The following NOTCH2 variants were observed in gnomAD, a reference collection of about 807,000 sequenced individuals.
NOTCH2 encodes notch receptor 2.
A neutral mutation model predicts 235.8 loss-of-function variants in NOTCH2; 29 were observed. The ratio of observed to expected loss-of-function variants is 0.12; its 90% CI spans 0.09 to 0.17. NOTCH2 has a LOEUF of 0.17. Among genes scored for constraint, NOTCH2 ranks in the 10% least tolerant of loss-of-function variants. The pLI, the probability that NOTCH2 is intolerant of heterozygous loss-of-function variation, is 1.00. For synonymous variants in NOTCH2, 1,086 were observed against 1,141.5 expected (o/e 0.95, Z 0.98); for missense variants, 2,285 against 3,150.2 (o/e 0.73, Z 6.57).
intron 1 of NOTCH2, among the ~76,000 whole-genome samples, chr1:120,060,761 T>G (rs200440117): frequency 0.16 from 24,064 of 148,832 alleles, 2,437 homozygotes; most frequent in African/African-American, 0.31. Context: ...ATGTTTGTTT[T>G]TAGTTACAAC....
At chr1:119,948,964 G>T in intron 16 of NOTCH2, 43 bp downstream of exon 16, 1 of 1,613,750 alleles carries the variant, frequency 6.2e-7, no homozygotes, top group Non-Finnish European at 8.5e-7. Context: ...TTTGTTTAAA[G>T]TCAGAATGCA....
rs200543410 is a variant in NOTCH2, at chr1:119,965,446, A to C, written c.1681+7T>G. The C allele has an allele frequency of 3.1e-6, 5 of 1,606,960 alleles. No individual in the cohort carries two copies. In the East Asian group the frequency reaches 1.1e-4, roughly 36 times the overall value. ...ACCAAGGAGATGAAAAGTGAGAAGA[A>C]TCTTACCTGTGGCACACTGGCATTC... On this transcript the variant is annotated splice_region_variant and intron_variant, in intron 10 of 33. Transcript: ENST00000256646.
At position 119,966,378 on chromosome 1, in the gene NOTCH2, G is replaced by C. The variant is rs1553199673; in HGVS notation, c.1565C>G (p.Pro522Arg). 6.2e-7 allele frequency: 1 copy of C among 1,610,656 alleles called. No individual in the cohort carries two copies. The highest frequency in any genetic ancestry group is 1.1e-5 in the South Asian group (1 of 91,042). The part of the protein sequence containing the change: ...KVNRFQCLCP[P>R]GFTGPVCQID... ...AGGGCCAGGTCGTGGGCACTTACCA[G>C]GAGGACACAGGCACTGGAAACGATT... Residue 522 changes from proline to arginine, a missense_variant and splice_region_variant, in exon 9 of 34, where the codon CCT becomes CGT. By Grantham distance (103) the Pro-to-Arg change is moderately radical. Coordinates refer to ENST00000256646, the MANE Select transcript of NOTCH2 (RefSeq NM_024408.4).
chr1:119,924,830 G>T (rs1289237808), intron 25 of NOTCH2, among the ~76,000 whole-genome samples: 1 of 152,200 alleles, frequency 6.6e-6, no homozygotes, highest in East Asian at 1.9e-4. Context: ...CTAGTTAATA[G>T]GAAAGTTCCT....
At chr1:120,034,264 T>C (rs1689974) in intron 1 of NOTCH2, among the ~76,000 whole-genome samples, 3 of 148,764 alleles carry the variant, frequency 2.0e-5, no homozygotes, top group Non-Finnish European at 1.5e-5. Context: ...TCAATAAATA[T>C]TTGCTGGCTG....
Position 119,965,456 on chromosome 1 carries a change from T to C in NOTCH2, c.1678A>G (p.Thr560Ala). ...HPNGYECQCATGFTGVLCEEN... is the reference protein window; with the variant it reads ...HPNGYECQCAAGFTGVLCEEN... Reference sequence around the variant, plus strand: ...TGAAAAGTGAGAAGAATCTTACCTGTGGCACACTGGCATTCATAGCCATTC... The same window carrying C: ...TGAAAAGTGAGAAGAATCTTACCTGCGGCACACTGGCATTCATAGCCATTC... The change falls in exon 10 of 34, where the codon ACA becomes GCA. Residue 560 changes from threonine to alanine, a missense_variant. Transcript: ENST00000256646. The C allele has an allele frequency of 1.9e-6, 3 of 1,611,132 alleles. No individual in the cohort carries two copies. The highest frequency in any genetic ancestry group is 2.5e-6 in the Non-Finnish European group (3 of 1,177,258).
At chr1:119,935,953 T>C (rs1649833873) in intron 21 of NOTCH2, among the ~76,000 whole-genome samples, 1 of 152,180 alleles carries the variant, frequency 6.6e-6, no homozygotes, top group South Asian at 2.1e-4. Flanking sequence ...CCTCCGTATG[T>C]GATGAGGACC....
At chr1:119,997,947 C>A (rs1652536698) in intron 3 of NOTCH2, among the ~76,000 whole-genome samples, 1 of 145,110 alleles carries the variant, frequency 6.9e-6, no homozygotes, top group South Asian at 2.3e-4. Context: ...GCACTCCAGC[C>A]TGGGCGACAC....
chr1:120,037,187 T>C (rs1343709700), intron 1 of NOTCH2, among the ~76,000 whole-genome samples: 2 of 152,114 alleles, frequency 1.3e-5, no homozygotes, highest in Non-Finnish European at 2.9e-5. Flanking sequence ...GAAGGTATTT[T>C]AACGTCTTGA....
chr1:119,979,043 C>T (rs1401212718), intron 5 of NOTCH2, among the ~76,000 whole-genome samples: 1 of 152,162 alleles, frequency 6.6e-6, no homozygotes, highest in Non-Finnish European at 1.5e-5. Flanking sequence ...ACACTCAAGA[C>T]ATTTAGACAT....
intron 24 of NOTCH2, among the ~76,000 whole-genome samples, chr1:119,926,202 AG>A (rs1161614149): frequency 1.3e-5 from 2 of 152,188 alleles, no homozygotes; most frequent in Admixed American, 6.5e-5. Flanking sequence ...CCTATTTTCA[AG>A]GGGGCACTCC....
intron 3 of NOTCH2, chr1:120,005,115 G>A: frequency 1.3e-6 from 1 of 778,700 alleles, no homozygotes; most frequent in Non-Finnish European, 2.1e-6. Context: ...AGCAGTCAAA[G>A]TATTTGGTAC....
chr1:119,988,022 T>C (rs905085048), intron 4 of NOTCH2, among the ~76,000 whole-genome samples: 1 of 152,176 alleles, frequency 6.6e-6, no homozygotes, highest in African/African-American at 2.4e-5. Context: ...ATTCTAAACA[T>C]TCTCCTATTT....
chr1:119,987,654 T>C (rs1197613030), intron 4 of NOTCH2, among the ~76,000 whole-genome samples: 1 of 152,182 alleles, frequency 6.6e-6, no homozygotes, highest in Non-Finnish European at 1.5e-5. Flanking sequence ...AAGTTCTGCA[T>C]CAACTTCCTC....
chr1:120,045,647 C>T (rs1388789302), intron 1 of NOTCH2, among the ~76,000 whole-genome samples: 1 of 152,062 alleles, frequency 6.6e-6, no homozygotes, highest in Non-Finnish European at 1.5e-5. Context: ...AGTATTCCCT[C>T]TTAAGGAGAG....
At chr1:119,928,664 T>A (rs920493022) in intron 23 of NOTCH2, among the ~76,000 whole-genome samples, 1 of 152,222 alleles carries the variant, frequency 6.6e-6, no homozygotes, top group Non-Finnish European at 1.5e-5. Flanking sequence ...AGGTTTTGGA[T>A]ATTTTGCCAC....
At chr1:120,006,982 G>A (rs1350901301) in intron 2 of NOTCH2, among the ~76,000 whole-genome samples, 1 of 152,234 alleles carries the variant, frequency 6.6e-6, no homozygotes, top group African/African-American at 2.4e-5. Flanking sequence ...TTGTGCGGTA[G>A]CTAAAATGGC....
rs782605199 is a variant in NOTCH2 at position 119,937,921 on chromosome 1, A to C, written c.3273T>G (p.Ser1091=). The C allele has an allele frequency of 6.2e-7, 1 of 1,614,218 alleles. No homozygotes were observed. Among genetic ancestry groups the C allele is most frequent in the South Asian group, 1.1e-5 (1 of 91,084 alleles). ...CGTCACAATAGGCACCAGCCCATCC[A>C]GATGGACATAGGCACTGGGACTCTG... ...KKAESQCLCP[S]GWAGAYCDVP... Residue 1091 remains serine (S), a synonymous_variant, in exon 20 of 34, where the codon TCT becomes TCG. Transcript: ENST00000256646.
At position 119,949,140 on chromosome 1, in the gene NOTCH2, G is replaced by A. The variant is rs371041209; in HGVS notation, c.2480-14C>T. Reference sequence around the variant, plus strand: ...GACAATTCTTGCCTAGAAAGTAAATGACAGAGTTTATGACAGATAAACAGG... The same window carrying A: ...GACAATTCTTGCCTAGAAAGTAAATAACAGAGTTTATGACAGATAAACAGG... On this transcript the variant is annotated splice_polypyrimidine_tract_variant and intron_variant, in intron 15 of 33. Coordinates refer to ENST00000256646, the MANE Select transcript of NOTCH2 (RefSeq NM_024408.4). 56 of 1,613,994 alleles carry A rather than the reference G, an allele frequency of 3.5e-5. No homozygotes were observed. Among genetic ancestry groups the A allele is most frequent in the Non-Finnish European group, 4.5e-5 (53 of 1,179,996 alleles).
Sources: gnomAD v4.1 joint callset for allele counts (sites outside exome capture counted in the v4.1 genomes callset) on GRCh38, gnomAD v4.1.1 for gene constraint, MANE v1.5 for transcripts, NCBI Gene and HGNC (gene_info 2026-07-23, HGNC 2026-07-21) for gene names.